The following RNF150 variants were observed in gnomAD, a reference collection of about 807,000 sequenced individuals.
RNF150 encodes the protein ring finger protein 150.
Under a neutral mutation model 39.3 loss-of-function variants are expected in RNF150, and 24 were observed. That is an observed-to-expected ratio of 0.61 (90% CI 0.44 to 0.86). RNF150 has a LOEUF of 0.86. RNF150 is among the 40% of genes least tolerant of loss of function. The pLI, the probability that RNF150 is intolerant of heterozygous loss-of-function variation, is 0.00. For synonymous variants in RNF150, 255 were observed against 227.3 expected, an observed-to-expected ratio of 1.12 and a Z score of -1.10; for missense variants, 502 against 587.8, an observed-to-expected ratio of 0.85 and a Z score of 1.51.
At chr4:141,156,953 G>A (rs773012413) in intron 1 of RNF150, among the ~76,000 whole-genome samples, 2 of 151,968 alleles carry the variant, frequency 1.3e-5, no homozygotes, top group East Asian at 1.9e-4. Context: ...ATCAATTAAG[G>A]TCCAGGCATT....
intron 2 of RNF150, among the ~76,000 whole-genome samples, chr4:140,965,367 A>C (rs1186485007): frequency 6.6e-6 from 1 of 152,098 alleles, no homozygotes; most frequent in African/African-American, 2.4e-5. Flanking sequence ...CTACCATTGA[A>C]GATTTACCAA....
At chr4:141,097,995 T>C (rs1266718138) in intron 1 of RNF150, among the ~76,000 whole-genome samples, 3 of 152,110 alleles carry the variant, frequency 2.0e-5, no homozygotes, top group African/African-American at 7.2e-5. Flanking sequence ...CCCTCCCTTA[T>C]GAAAATCCCT....
At chr4:141,039,475 G>A (rs1417175103) in intron 1 of RNF150, among the ~76,000 whole-genome samples, 1 of 152,048 alleles carries the variant, frequency 6.6e-6, no homozygotes, top group Admixed American at 6.6e-5. Context: ...AGGGCACAGG[G>A]AGTGCATAGA....
intron 1 of RNF150, among the ~76,000 whole-genome samples, chr4:141,190,941 C>T (rs983958249): frequency 2.0e-5 from 3 of 152,074 alleles, no homozygotes; most frequent in Non-Finnish European, 4.4e-5. Flanking sequence ...TATTTTAAAC[C>T]TTCTCATTTC....
At chr4:141,206,375 C>A (rs986025904) in intron 1 of RNF150, among the ~76,000 whole-genome samples, 17 of 140,886 alleles carry the variant, frequency 1.2e-4, no homozygotes, top group African/African-American at 3.9e-4. Context: ...GCCAAGATCG[C>A]AGCATTGCAC....
In RNF150 at chr4:140,861,191, CTTT is replaced by C. The variant is rs1278528596; in HGVS notation, c.*7067_*7069del. On this transcript the variant is annotated 3_prime_UTR_variant, in exon 7 of 7. Coordinates refer to ENST00000515673, the MANE Select transcript of RNF150 (RefSeq NM_020724.2). ...CACACCATTTACATTCATATGAAGT[CTTT>C]TTATTGATCTTCCTTTGCAATTTCA... 1 of 152,116 alleles carries C rather than the reference CTTT, an allele frequency of 6.6e-6. No individual in the cohort carries two copies. The highest frequency in any genetic ancestry group is 1.5e-5 in the Non-Finnish European group (1 of 68,016). 9.4% of individuals were successfully genotyped at this position (152,116 alleles called of 1,614,324 possible).
intron 1 of RNF150, among the ~76,000 whole-genome samples, chr4:141,167,912 G>A (rs1333473470): frequency 6.6e-6 from 1 of 152,142 alleles, no homozygotes; most frequent in Non-Finnish European, 1.5e-5. Flanking sequence ...AACGCCAAAA[G>A]CAATGGCAAC....
chr4:141,039,362 G>A (rs554810514), intron 1 of RNF150, among the ~76,000 whole-genome samples: 41 of 151,032 alleles, frequency 2.7e-4, no homozygotes, highest in Admixed American at 7.9e-4. Flanking sequence ...GAAAGGGGAG[G>A]AAGGAGGTAG....
intron 1 of RNF150, among the ~76,000 whole-genome samples, chr4:141,148,111 A>G (rs866722672): frequency 6.6e-5 from 10 of 152,304 alleles, no homozygotes; most frequent in Middle Eastern, 3.4e-3. Context: ...ATTAGTCTTA[A>G]TACAACTTTG....
At chr4:140,960,258 G>A (rs1732967248) in intron 2 of RNF150, among the ~76,000 whole-genome samples, 1 of 152,088 alleles carries the variant, frequency 6.6e-6, no homozygotes, top group Non-Finnish European at 1.5e-5. Flanking sequence ...GAACAATTCT[G>A]ACAGTAAATT....
At chr4:141,106,871 T>C (rs1194216473) in intron 1 of RNF150, among the ~76,000 whole-genome samples, 1 of 152,110 alleles carries the variant, frequency 6.6e-6, no homozygotes, top group African/African-American at 2.4e-5. Context: ...ATCTACAATG[T>C]TCTTTTCCAC....
At chr4:141,087,104 C>T (rs1218800594) in intron 1 of RNF150, among the ~76,000 whole-genome samples, 3 of 152,086 alleles carry the variant, frequency 2.0e-5, no homozygotes, top group Non-Finnish European at 4.4e-5. Flanking sequence ...AAGCTCAGTG[C>T]TCAATAGTTA....
At chr4:141,118,785 G>C (rs1726513838) in intron 1 of RNF150, among the ~76,000 whole-genome samples, 3 of 152,100 alleles carry the variant, frequency 2.0e-5, no homozygotes, top group South Asian at 2.1e-4. Context: ...TTTTGAGACA[G>C]AGTCTCACTC....
At chr4:141,188,806 TTGC>T (rs1728057478) in intron 1 of RNF150, among the ~76,000 whole-genome samples, 1 of 152,242 alleles carries the variant, frequency 6.6e-6, no homozygotes. Context: ...CCTTGCTTCC[TTGC>T]TTTGGGCTAG....
intron 5 of RNF150, among the ~76,000 whole-genome samples, chr4:140,923,451 C>T (rs895724839): frequency 6.6e-6 from 1 of 152,130 alleles, no homozygotes; most frequent in African/African-American, 2.4e-5. Context: ...GAATGGTGAT[C>T]ATTAAACAGT....
At chr4:141,128,052 A>C (rs1726797501) in intron 1 of RNF150, among the ~76,000 whole-genome samples, 1 of 152,148 alleles carries the variant, frequency 6.6e-6, no homozygotes, top group Non-Finnish European at 1.5e-5. Context: ...CTGAGCCACA[A>C]ACAAATTGGC....
intron 6 of RNF150, among the ~76,000 whole-genome samples, chr4:140,898,430 G>C (rs560098129): frequency 3.9e-4 from 60 of 152,296 alleles, no homozygotes; most frequent in Admixed American, 1.3e-3. Context: ...ATGGTACTGA[G>C]TAACATGTAT....
rs1728539397 is a variant in RNF150 at position 140,862,714 on chromosome 4, C to A, written c.*5547G>T. The A allele has an allele frequency of 6.6e-6, 1 of 152,154 alleles. No homozygotes were observed. Among genetic ancestry groups the A allele is most frequent in the South Asian group, 2.1e-4 (1 of 4,820 alleles). 9.4% of individuals were successfully genotyped at this position (152,154 alleles called of 1,614,324 possible). A position where few individuals can be genotyped will look rare whatever the true frequency, so the allele number is the denominator to read the frequency against. ...AGAATTAATTTATTTTTCAGGCAATCCAGACCTTCTTTGCAATCATGAGTA... is the reference window on the plus strand; with the variant it reads ...AGAATTAATTTATTTTTCAGGCAATACAGACCTTCTTTGCAATCATGAGTA... On this transcript the variant is annotated 3_prime_UTR_variant, in exon 7 of 7. Transcript: ENST00000515673.
intron 1 of RNF150, among the ~76,000 whole-genome samples, chr4:141,198,824 C>G (rs1440956382): frequency 6.6e-6 from 1 of 152,048 alleles, no homozygotes; most frequent in African/African-American, 2.4e-5. Context: ...AATTAAGTAG[C>G]TAAACAAAAG....
Sources: allele counts gnomAD v4.1 joint callset (sites outside exome capture counted in the v4.1 genomes callset), GRCh38; gene constraint gnomAD v4.1.1; transcripts MANE v1.5; gene names NCBI Gene and HGNC (gene_info 2026-07-23, HGNC 2026-07-21).